Variants in POP1 observed in about 807,000 individuals in gnomAD.
POP1 encodes the protein POP1 ribonuclease P/MRP subunit.
Under a neutral mutation model 102.2 loss-of-function variants are expected in POP1, and 75 were observed. That is an observed-to-expected ratio of 0.73 (90% CI 0.61 to 0.89). The LOEUF is 0.89. Among genes scored for constraint, POP1 ranks in the 40% least tolerant of loss-of-function variants. The probability of loss-of-function intolerance (pLI) is 0.00; values close to 1 mark genes in which losing one functional copy is unlikely to be tolerated. For synonymous variants in POP1, 436 were observed against 464.1 expected, an observed-to-expected ratio of 0.94 and a Z score of 0.78; for missense variants, 1,116 against 1,267.4, an observed-to-expected ratio of 0.88 and a Z score of 1.81.
At chr8:98,138,012 CA>C (rs1486332225) in intron 9 of POP1, among the ~76,000 whole-genome samples, 1 of 152,140 alleles carries the variant, frequency 6.6e-6, no homozygotes, top group African/African-American at 2.4e-5. Flanking sequence ...CTTTAAAATA[CA>C]AAAGCTACTT....
chr8:98,136,078 T>A (rs1471875422), intron 7 of POP1, among the ~76,000 whole-genome samples: 1 of 98,442 alleles, frequency 1.0e-5, no homozygotes, highest in Non-Finnish European at 2.3e-5. Flanking sequence ...TTTTTTTATT[T>A]TTTATTTTTT....
At chr8:98,131,252 A>G (rs1816373014) in intron 5 of POP1, among the ~76,000 whole-genome samples, 1 of 152,094 alleles carries the variant, frequency 6.6e-6, no homozygotes, top group Non-Finnish European at 1.5e-5. Context: ...TCGACTCATT[A>G]AACACTAACT....
chr8:98,150,499 G>A lies in POP1; in HGVS notation c.1917G>A (p.Val639=), dbSNP rs1329682396. Residue 639 remains valine, a synonymous_variant, in exon 14 of 16, where the codon GTG becomes GTA. Coordinates refer to ENST00000401707, the MANE Select transcript of POP1 (RefSeq NM_001145860.2). ...AFWIPFIYRG[V]RVGGLKESAV... is the part of the protein sequence containing the mutation. The stretch of plus-strand genomic sequence containing the variant: ...ATTTCTTTTAGATTTATCGAGGTGT[G>A]AGAGTCGGAGGGTTGAAAGAGTCTG... 7.4e-6 allele frequency: 12 copies of A among 1,614,040 alleles called. No individual in the cohort carries two copies. Among genetic ancestry groups the A allele is most frequent in the Non-Finnish European group, 9.3e-6 (11 of 1,180,010 alleles).
rs1489471731 is a variant in POP1 at position 98,158,129 on chromosome 8, G to A, written c.2933G>A (p.Cys978Tyr). ...TQGDFSMAVG[C>Y]GEALGFVSLT... ...GGAGATTTTTCCATGGCTGTTGGCT[G>A]TGGAGAAGCCCTGGGGTTTGTTAGC... The change falls in exon 16 of 16, where the codon TGT (cysteine) becomes TAT (tyrosine). Residue 978 changes from cysteine (C) to tyrosine (Y), a missense_variant. By Grantham distance (194) the Cys-to-Tyr change is radical. Coordinates refer to ENST00000401707, the MANE Select transcript of POP1 (RefSeq NM_001145860.2). 14 of 1,607,106 alleles carry A rather than the reference G, an allele frequency of 8.7e-6. No individual in the cohort carries two copies. Among genetic ancestry groups the A allele is most frequent in the Non-Finnish European group, 1.1e-5 (13 of 1,177,040 alleles).
At chr8:98,132,704 T>C (rs1054977818) in intron 5 of POP1, among the ~76,000 whole-genome samples, 1 of 152,046 alleles carries the variant, frequency 6.6e-6, no homozygotes, top group African/African-American at 2.4e-5. Flanking sequence ...CATCTGGTTG[T>C]CAGGAAGACT....
chr8:98,154,342 G>A (rs1809593327), intron 14 of POP1, among the ~76,000 whole-genome samples: 1 of 152,204 alleles, frequency 6.6e-6, no homozygotes. Flanking sequence ...GGACGGTGGT[G>A]TGAGCCATCT....
chr8:98,151,432 A>G (rs1247054905), intron 14 of POP1, among the ~76,000 whole-genome samples: 2 of 151,984 alleles, frequency 1.3e-5, no homozygotes, highest in African/African-American at 2.4e-5. Flanking sequence ...TTCTTTTTTC[A>G]TTGGAAGTGT....
At chr8:98,124,879 G>A (rs1378601231) in intron 2 of POP1, among the ~76,000 whole-genome samples, 2 of 152,176 alleles carry the variant, frequency 1.3e-5, no homozygotes, top group African/African-American at 4.8e-5. Flanking sequence ...TTAGGGCAGC[G>A]GTAGAAAGTG....
chr8:98,152,585 C>T (rs1425940277), intron 14 of POP1, among the ~76,000 whole-genome samples: 3 of 151,560 alleles, frequency 2.0e-5, no homozygotes, highest in Non-Finnish European at 4.4e-5. Flanking sequence ...TTTCATGTGT[C>T]GTGAAATATT....
At chr8:98,146,751 C>T in intron 12 of POP1, 68 bp downstream of exon 12, 1 of 1,211,822 alleles carries the variant, frequency 8.3e-7, no homozygotes, top group Admixed American at 1.7e-5. Context: ...TTCTAGAGAC[C>T]ATAAAAAGTT....
intron 3 of POP1, 131 bp downstream of exon 3, chr8:98,127,893 C>G (rs1188732498): frequency 1.1e-6 from 1 of 942,502 alleles, no homozygotes; most frequent in African/African-American, 1.6e-5. Flanking sequence ...ACTTTAGACC[C>G]TTCTCGCCTC....
Position 98,134,651 on chromosome 8 carries a change from C to G in POP1, c.1003C>G (p.Leu335Val). Residue 335 changes from leucine (L) to valine (V), a missense_variant, in exon 7 of 16, where the codon CTT (leucine) becomes GTT (valine). Physicochemically the swap from Leu to Val is conservative, Grantham distance 32. Transcript: ENST00000401707. ...RQLWIWLHPT[L>V]KQDILEEIKA... ...GCTGTGGATCTGGCTGCATCCAACC[C>G]TTAAACAGGTATAATCCTTCAGGTT... 1 of 1,611,304 alleles carries G rather than the reference C, an allele frequency of 6.2e-7. No individual in the cohort carries two copies. The highest frequency in any genetic ancestry group is 2.2e-5 in the East Asian group (1 of 44,864).
intron 2 of POP1, among the ~76,000 whole-genome samples, 153 bp from the exon 3 acceptor site, chr8:98,127,442 G>T (rs997176374): frequency 6.6e-6 from 1 of 152,160 alleles, no homozygotes; most frequent in Non-Finnish European, 1.5e-5. Flanking sequence ...TCCTACGTAA[G>T]ATTCCTCTTT....
intron 1 of POP1, among the ~76,000 whole-genome samples, chr8:98,118,474 G>A (rs1332772047): frequency 6.6e-6 from 1 of 151,924 alleles, no homozygotes; most frequent in Non-Finnish European, 1.5e-5. Flanking sequence ...CACCCTGGCT[G>A]GAGTACAGTG....
chr8:98,143,714 C>T (rs1463790877), intron 11 of POP1, among the ~76,000 whole-genome samples: 3 of 152,166 alleles, frequency 2.0e-5, no homozygotes, highest in Non-Finnish European at 2.9e-5. Flanking sequence ...GCCTATTCAT[C>T]CCTCTTTTCC....
chr8:98,151,925 G>A (rs907930861), intron 14 of POP1, among the ~76,000 whole-genome samples: 5 of 151,788 alleles, frequency 3.3e-5, no homozygotes, highest in African/African-American at 4.8e-5. Flanking sequence ...GTAGAGATGA[G>A]GTTTTGCCAT....
chr8:98,131,638 A>G (rs10453057), intron 5 of POP1, among the ~76,000 whole-genome samples: 11,080 of 149,138 alleles, frequency 0.074, 623 homozygotes, highest in Middle Eastern at 0.16. Context: ...TTGCTGGATC[A>G]TATGATAATT....
At position 98,132,620 on chromosome 8, in the gene POP1, CTG is replaced by C. The variant is rs562901756; in HGVS notation, c.736-1325_736-1324del. On this transcript the variant is annotated intron_variant, in intron 5 of 15. Transcript: ENST00000401707. The stretch of plus-strand genomic sequence containing the variant: ...GAATGCTGGCTTCTCCACTTAATGA[CTG>C]TGTCTTTGTTCAAGTAACAATCTCT... 2.9e-3 allele frequency among the ~76,000 whole-genome samples: 444 copies of C among 152,202 alleles called. 2 individuals are homozygous for C. Among genetic ancestry groups the C allele is most frequent in the Non-Finnish European group, 5.2e-3 (357 of 68,016 alleles).
chr8:98,155,529 C>T (rs565799941), intron 14 of POP1, among the ~76,000 whole-genome samples: 1 of 150,366 alleles, frequency 6.7e-6, no homozygotes, highest in Non-Finnish European at 1.5e-5. Context: ...GTGATCCATC[C>T]GCCTGGGCCT....
Sources: gnomAD v4.1 joint callset for allele counts (sites outside exome capture counted in the v4.1 genomes callset) on GRCh38, gnomAD v4.1.1 for gene constraint, MANE v1.5 for transcripts, NCBI Gene and HGNC (gene_info 2026-07-23, HGNC 2026-07-21) for gene names.